PCDHGB6: variants seen among roughly 807,000 people sequenced by gnomAD.
PCDHGB6 encodes the protein protocadherin gamma subfamily B, 6.
PCDHGB6 carries 51 observed loss-of-function variants against 59.1 expected under a neutral mutation model. The observed-to-expected ratio is 0.86, with a 90% CI of 0.69 to 1.09. The LOEUF (loss-of-function observed/expected upper bound fraction) is 1.09, where lower values mean the gene tolerates loss of function less well. PCDHGB6 is among the 50% of genes least tolerant of loss of function. The pLI is 0.00. For missense variants in PCDHGB6, 1,148 were observed against 1,205.1 expected (o/e 0.95, Z 0.70); for synonymous variants, 466 against 495.1 (o/e 0.94, Z 0.78).
At chr5:141,480,649 C>A (rs2099522804) in intron 1 of PCDHGB6, among the ~76,000 whole-genome samples, 1 of 152,184 alleles carries the variant, frequency 6.6e-6, no homozygotes, top group Non-Finnish European at 1.5e-5. Flanking sequence ...AACTTGGTTG[C>A]ACATTAAAAT....
At position 141,408,616 on chromosome 5, in the gene PCDHGB6, A is replaced by C. The variant is rs1242634693; in HGVS notation, c.414A>C (p.Ile138=). The change falls in exon 1 of 4, where the codon ATA becomes ATC. Residue 138 remains isoleucine (I), a synonymous_variant. Transcript: ENST00000520790. ...CCCCTCAATTTGATAAAAAGGAAAT[A>C]CATTTAGAAATTTTCGAATCTGCAT... ...DHAPQFDKKE[I]HLEIFESASA... is the part of the protein sequence containing the mutation. The C allele has an allele frequency of 6.2e-7, 1 of 1,614,052 alleles. No homozygotes were observed.
In PCDHGB6 at chr5:141,410,107, G is replaced by A; in HGVS notation, c.1905G>A (p.Arg635=). 3.1e-6 allele frequency: 5 copies of A among 1,612,702 alleles called. No homozygotes were observed. The highest frequency in any genetic ancestry group is 4.2e-6 in the Non-Finnish European group (5 of 1,179,650). ...GCACGGCTCGAGCCTTAGGCGACAG[G>A]GACGCAGCCCGCCAGCGCCTGCTGG... The part of the protein sequence containing the change: ...EVRTARALGD[R]DAARQRLLVA... Residue 635 remains arginine, a synonymous_variant, in exon 1 of 4, where the codon AGG becomes AGA. Coordinates refer to ENST00000520790, the MANE Select transcript of PCDHGB6 (RefSeq NM_018926.3).
At position 141,494,854 on chromosome 5, in the gene PCDHGB6, C is replaced by T. The variant is rs1353498253; in HGVS notation, c.2466C>T (p.Pro822=). ...TDWRFSQAQR[P]GTSGSQNGDD... The stretch of plus-strand genomic sequence containing the variant: ...GGCGTTTCTCTCAGGCCCAGAGACC[C>T]GGCACCAGCGGGTAGGTGACTGATT... The change falls in exon 2 of 4, where the codon CCC becomes CCT. Residue 822 remains proline (P), a synonymous_variant. Coordinates refer to ENST00000520790, the MANE Select transcript of PCDHGB6 (RefSeq NM_018926.3). 1.2e-6 allele frequency: 2 copies of T among 1,614,120 alleles called. No homozygotes were observed. Among genetic ancestry groups the T allele is most frequent in the East Asian group, 2.2e-5 (1 of 44,870 alleles).
intron 1 of PCDHGB6, among the ~76,000 whole-genome samples, chr5:141,463,572 C>T (rs1462125489): frequency 6.6e-6 from 1 of 151,572 alleles, no homozygotes; most frequent in African/African-American, 2.4e-5. Context: ...CCTCAGCCTC[C>T]CGAGTAGCTG....
Position 141,489,242 on chromosome 5 carries a change from T to C in PCDHGB6, c.2419-5565T>C. ...TCTCCACAAAGGGACTTCTGGGTCA[T>C]GGGGCCCAAGACACTCCCACAGCTC... On this transcript the variant is annotated intron_variant, in intron 1 of 3. Transcript: ENST00000520790. This position sits in a 1 kb window ranked among gnomAD's most constrained non-coding sequence, Gnocchi z 4.5. 6.5e-7 allele frequency: 1 copy of C among 1,534,502 alleles called. No individual in the cohort carries two copies. The highest frequency in any genetic ancestry group is 8.8e-7 in the Non-Finnish European group (1 of 1,141,994).
At chr5:141,423,695 G>T in intron 1 of PCDHGB6, 1 of 1,338,020 alleles carries the variant, frequency 7.5e-7, no homozygotes, top group Non-Finnish European at 9.7e-7. Context: ...AATTGTTGGT[G>T]TCTTGGCACA....
chr5:141,418,273 A>G (rs1440274831), intron 1 of PCDHGB6: 2 of 1,614,082 alleles, frequency 1.2e-6, no homozygotes, highest in Non-Finnish European at 8.5e-7. Flanking sequence ...AAGATGAAAT[A>G]AACTTAGAAA....
chr5:141,489,211 A>G lies in PCDHGB6; in HGVS notation c.2419-5596A>G, dbSNP rs1206929838. On this transcript the variant is annotated intron_variant, in intron 1 of 3. Coordinates refer to ENST00000520790, the MANE Select transcript of PCDHGB6 (RefSeq NM_018926.3). This position sits in a 1 kb window ranked among gnomAD's most constrained non-coding sequence, Gnocchi z 4.5. The stretch of plus-strand genomic sequence containing the variant: ...CTACCTTGGAGACAGGACAGCACAG[A>G]CTTACTCTCCACAAAGGGACTTCTG... 2 of 1,462,498 alleles carry G rather than the reference A, an allele frequency of 1.4e-6. No individual in the cohort carries two copies. Among genetic ancestry groups the G allele is most frequent in the Non-Finnish European group, 1.8e-6 (2 of 1,081,560 alleles). The allele number at this position is 1,462,498 out of a possible 1,614,324, so 90.6% of individuals were successfully genotyped here. A position where few individuals can be genotyped will look rare whatever the true frequency, so the allele number is the denominator to read the frequency against.
chr5:141,489,091 T>C lies in PCDHGB6; in HGVS notation c.2419-5716T>C. 1 of 333,052 alleles carries C rather than the reference T, an allele frequency of 3.0e-6. No individual in the cohort carries two copies. The highest frequency in any genetic ancestry group is 5.5e-6 in the Non-Finnish European group (1 of 181,380). 20.6% of individuals were successfully genotyped at this position (333,052 alleles called of 1,614,324 possible). On this transcript the variant is annotated intron_variant, in intron 1 of 3. Coordinates refer to ENST00000520790, the MANE Select transcript of PCDHGB6 (RefSeq NM_018926.3). This position sits in a 1 kb window ranked among gnomAD's most constrained non-coding sequence, Gnocchi z 4.5. ...CTGCCCACCCCCGCCACTCGGTGAC[T>C]AAGAACTGCTGCAAGCAGGCAAACC...
intron 1 of PCDHGB6, among the ~76,000 whole-genome samples, chr5:141,473,343 T>C (rs1309426537): frequency 6.6e-6 from 1 of 152,218 alleles, no homozygotes; most frequent in Non-Finnish European, 1.5e-5. Flanking sequence ...TGCTAGACAG[T>C]GAGGATGCAA....
intron 1 of PCDHGB6, chr5:141,413,462 G>C (rs750915907): frequency 1.9e-6 from 3 of 1,614,120 alleles, no homozygotes; most frequent in Non-Finnish European, 2.5e-6. Flanking sequence ...AGGATAGACC[G>C]GGAGGAGCTC....
intron 1 of PCDHGB6, chr5:141,415,323 G>C: frequency 1.9e-6 from 3 of 1,614,236 alleles, no homozygotes; most frequent in South Asian, 2.2e-5. Flanking sequence ...TCGTGCTGCT[G>C]GCGCACAGGC....
In PCDHGB6 at chr5:141,485,867, G is replaced by T; in HGVS notation, c.2419-8940G>T. The T allele has an allele frequency of 6.2e-7, 1 of 1,614,164 alleles. No homozygotes were observed. Among genetic ancestry groups the T allele is most frequent in the Non-Finnish European group, 8.5e-7 (1 of 1,180,040 alleles). On this transcript the variant is annotated intron_variant, in intron 1 of 3. Transcript: ENST00000520790. The surrounding 1 kb of genome is among the most constrained non-coding windows in gnomAD (Gnocchi z 5.7). ...TGGCACCGCAGAGCTCCGGGTATCC[G>T]TGCTGGACGTAAACGACAACGCCCC...
chr5:141,464,980 GATCCT>G (rs2154568684), intron 1 of PCDHGB6, among the ~76,000 whole-genome samples: 1 of 151,990 alleles, frequency 6.6e-6, no homozygotes, highest in East Asian at 1.9e-4. Flanking sequence ...GGCTTCAAGT[GATCCT>G]CCCACCTCAG....
At chr5:141,443,475 G>T (rs994058112) in intron 1 of PCDHGB6, among the ~76,000 whole-genome samples, 1 of 152,148 alleles carries the variant, frequency 6.6e-6, no homozygotes, top group African/African-American at 2.4e-5. Flanking sequence ...GACAGAATTA[G>T]ACCCTGTCCC....
intron 1 of PCDHGB6, among the ~76,000 whole-genome samples, chr5:141,435,651 C>T (rs762264332): frequency 1.4e-4 from 22 of 152,044 alleles, no homozygotes; most frequent in Non-Finnish European, 2.9e-4. Flanking sequence ...ATTTCTGAAA[C>T]GTGCACAGAT....
intron 1 of PCDHGB6, among the ~76,000 whole-genome samples, chr5:141,457,900 A>C (rs2098931922): frequency 6.7e-6 from 1 of 149,818 alleles, no homozygotes; most frequent in Admixed American, 6.6e-5. Context: ...CTGTGTAGAC[A>C]AGGTGTGAGG....
At chr5:141,429,037 G>A (rs1404164429) in intron 1 of PCDHGB6, 1 of 152,054 alleles carries the variant, frequency 6.6e-6, no homozygotes, top group African/African-American at 2.4e-5. Flanking sequence ...TGCATTTTTA[G>A]TACAGACGGG....
chr5:141,494,936 G>C, intron 2 of PCDHGB6, 71 bp downstream of exon 2: 1 of 1,612,574 alleles, frequency 6.2e-7, no homozygotes, highest in South Asian at 1.1e-5. Flanking sequence ...GGAGGAGATG[G>C]GGGAGGGCCC....
Sources: allele counts gnomAD v4.1 joint callset (sites outside exome capture counted in the v4.1 genomes callset), GRCh38; gene constraint gnomAD v4.1.1; non-coding constraint Gnocchi (gnomAD v3.1); transcripts MANE v1.5; gene names NCBI Gene and HGNC (gene_info 2026-07-23, HGNC 2026-07-21).